ADAMTSL1: variants seen among roughly 807,000 people sequenced by gnomAD.
ADAMTSL1 encodes the protein ADAMTS-like protein 1.
Under a neutral mutation model 201.8 loss-of-function variants are expected in ADAMTSL1, and 126 were observed. The observed-to-expected ratio is 0.62, with a 90% CI of 0.54 to 0.72. The LOEUF (loss-of-function observed/expected upper bound fraction) is 0.72. ADAMTSL1 is among the 30% of genes least tolerant of loss of function. The pLI is 0.00. For synonymous variants in ADAMTSL1, 1,121 were observed against 903.4 expected (o/e 1.24, Z -4.32); for missense variants, 2,679 against 2,277.8 (o/e 1.18, Z -3.59).
At chr9:18,133,048 C>G (rs77089105) in intron 1 of ADAMTSL1, among the ~76,000 whole-genome samples, 3,463 of 152,128 alleles carry the variant, frequency 0.023, 136 homozygotes, top group African/African-American at 0.079. Context: ...GAATCTCTCT[C>G]AGGACTGTGG....
intron 23 of ADAMTSL1, among the ~76,000 whole-genome samples, chr9:18,868,997 T>C (rs1182000689): frequency 6.6e-6 from 1 of 152,188 alleles, no homozygotes; most frequent in Non-Finnish European, 1.5e-5. Flanking sequence ...GATAAGGTCA[T>C]TCATATGGAC....
chr9:18,110,185 C>G (rs1049974779), intron 1 of ADAMTSL1, among the ~76,000 whole-genome samples: 3 of 152,148 alleles, frequency 2.0e-5, no homozygotes, highest in African/African-American at 7.2e-5. Context: ...CTCCATTTCT[C>G]TGAATATTTT....
chr9:17,944,615 A>C (rs1484723106), intron 1 of ADAMTSL1, among the ~76,000 whole-genome samples: 1 of 146,090 alleles, frequency 6.8e-6, no homozygotes, highest in African/African-American at 2.5e-5. Context: ...ACCAAAACAG[A>C]GATATAGATC....
At chr9:18,495,931 T>C (rs536151014) in intron 1 of ADAMTSL1, among the ~76,000 whole-genome samples, 2 of 152,350 alleles carry the variant, frequency 1.3e-5, no homozygotes, top group African/African-American at 2.4e-5. Flanking sequence ...ATGACAAATA[T>C]GTAAACATTT....
chr9:18,581,625 C>T (rs1309138036), intron 4 of ADAMTSL1, among the ~76,000 whole-genome samples: 4 of 152,150 alleles, frequency 2.6e-5, no homozygotes, highest in African/African-American at 9.7e-5. Context: ...CATTTGTCTC[C>T]ATCTGTGCAC....
chr9:18,193,986 G>A (rs1208635784), intron 2 of ADAMTSL1, among the ~76,000 whole-genome samples: 1 of 152,030 alleles, frequency 6.6e-6, no homozygotes, highest in Non-Finnish European at 1.5e-5. Flanking sequence ...TTTGTTGTAG[G>A]TAATAATAAC....
At chr9:18,722,978 C>T (rs1010286864) in intron 15 of ADAMTSL1, 1 of 771,836 alleles carries the variant, frequency 1.3e-6, no homozygotes, top group Non-Finnish European at 2.4e-6. Flanking sequence ...GCAAAGGGCA[C>T]CAACTTTTCT....
intron 22 of ADAMTSL1, among the ~76,000 whole-genome samples, chr9:18,828,357 C>T (rs1020990725): frequency 1.3e-5 from 2 of 151,986 alleles, no homozygotes; most frequent in African/African-American, 4.8e-5. Context: ...GGAAAGTACC[C>T]TCCCCTTTTT....
At chr9:18,340,284 A>G (rs1307607130) in intron 2 of ADAMTSL1, among the ~76,000 whole-genome samples, 1 of 152,124 alleles carries the variant, frequency 6.6e-6, no homozygotes, top group Admixed American at 6.6e-5. Flanking sequence ...TTCTCACTGT[A>G]TAGTTTTTCT....
rs774824904 is a variant in ADAMTSL1, at chr9:18,777,317, G to T, written c.3088G>T (p.Glu1030Ter). The T allele has an allele frequency of 6.2e-7, 1 of 1,602,292 alleles. No homozygotes were observed. The highest frequency in any genetic ancestry group is 1.3e-5 in the African/African-American group (1 of 74,722). ...RYDDLVSRLL[E>*]QGGWPGELLA... ...CGACGACCTCGTCTCCCGGCTGCTGGAGCAGGGCGGCTGGCCCGGAGAGCT... is the reference window on the plus strand; with the variant it reads ...CGACGACCTCGTCTCCCGGCTGCTGTAGCAGGGCGGCTGGCCCGGAGAGCT... Residue 1030 changes from glutamate (E) to a stop codon, truncating the protein, a stop_gained, in exon 19 of 29, where the codon GAG (glutamate) becomes TAG (stop). Coordinates refer to ENST00000380548, the MANE Select transcript of ADAMTSL1 (RefSeq NM_001040272.6). LOFTEE classifies it high-confidence loss of function.
intron 15 of ADAMTSL1, among the ~76,000 whole-genome samples, chr9:18,738,898 T>C (rs1474433412): frequency 6.6e-6 from 1 of 152,170 alleles, no homozygotes; most frequent in Non-Finnish European, 1.5e-5. Context: ...ATAGCAATAA[T>C]AATGATGGCA....
chr9:18,872,739 T>C (rs1180728831), intron 23 of ADAMTSL1, among the ~76,000 whole-genome samples: 3 of 152,346 alleles, frequency 2.0e-5, no homozygotes, highest in East Asian at 1.9e-4. Flanking sequence ...CACTCATTGA[T>C]TGATGGGCAT....
chr9:18,779,621 C>G (rs1452403128), intron 19 of ADAMTSL1, among the ~76,000 whole-genome samples: 1 of 152,202 alleles, frequency 6.6e-6, no homozygotes, highest in South Asian at 2.1e-4. Flanking sequence ...CCCTCCAGCC[C>G]CCACAACTCA....
At chr9:18,214,945 AAAG>A (rs1830009233) in intron 2 of ADAMTSL1, among the ~76,000 whole-genome samples, 1 of 152,092 alleles carries the variant, frequency 6.6e-6, no homozygotes, top group Middle Eastern at 3.2e-3. Flanking sequence ...GTCTTTATTG[AAAG>A]AAGATTTTAA....
At chr9:18,723,341 A>C in intron 15 of ADAMTSL1, 1 of 508,252 alleles carries the variant, frequency 2.0e-6, no homozygotes, top group East Asian at 3.6e-5. Flanking sequence ...TTCTAACCAC[A>C]TTCCTGTGTT....
intron 2 of ADAMTSL1, among the ~76,000 whole-genome samples, chr9:18,300,998 G>A (rs1833688532): frequency 6.6e-6 from 1 of 152,142 alleles, no homozygotes; most frequent in Admixed American, 6.5e-5. Flanking sequence ...AATTATTTCA[G>A]TGGGAGTGGA....
chr9:17,947,731 A>C (rs545851277), intron 1 of ADAMTSL1, among the ~76,000 whole-genome samples: 33 of 152,154 alleles, frequency 2.2e-4, no homozygotes, highest in Non-Finnish European at 4.4e-4. Context: ...ACTGTTTGCA[A>C]ATCTGTGCTA....
At chr9:18,001,843 T>C (rs1819623255) in intron 1 of ADAMTSL1, among the ~76,000 whole-genome samples, 1 of 151,778 alleles carries the variant, frequency 6.6e-6, no homozygotes, top group East Asian at 2.0e-4. Flanking sequence ...TTTTGGCAGA[T>C]AGGAAGCCAG....
intron 23 of ADAMTSL1, among the ~76,000 whole-genome samples, chr9:18,856,486 CGG>C (rs1465240131): frequency 2.9e-5 from 1 of 34,314 alleles, no homozygotes; most frequent in African/African-American, 9.4e-5. Flanking sequence ...TTTTTTGAGA[CGG>C]AGTCTCGCTC....
Sources: allele counts gnomAD v4.1 joint callset (sites outside exome capture counted in the v4.1 genomes callset), GRCh38; gene constraint gnomAD v4.1.1; transcripts MANE v1.5; gene names NCBI Gene and HGNC (gene_info 2026-07-23, HGNC 2026-07-21).